The following KCTD4 variants were observed in gnomAD, a reference collection of about 807,000 sequenced individuals.
KCTD4 encodes BTB/POZ domain-containing protein KCTD4.
KCTD4 carries 12 observed loss-of-function variants against 18.3 expected under a neutral mutation model. The ratio of observed to expected loss-of-function variants is 0.66; its 90% CI spans 0.42 to 1.06. The LOEUF is 1.06. KCTD4 is among the 50% of genes least tolerant of loss of function. The pLI is 0.00. For missense variants in KCTD4, 250 were observed against 303.4 expected (o/e 0.82, Z 1.31); for synonymous variants, 124 against 110.5 (o/e 1.12, Z -0.76).
intron 1 of KCTD4, among the ~76,000 whole-genome samples, chr13:45,198,708 G>GT (rs904167579): frequency 2.8e-4 from 42 of 150,146 alleles, no homozygotes; most frequent in African/African-American, 7.8e-4. Context: ...TTTTTTTTTT[G>GT]TTTTTTTGTT....
In KCTD4 at chr13:45,198,035, T is replaced by G. The variant is rs139497632; in HGVS notation, c.-188+2789A>C. Among the ~76,000 whole-genome samples the G allele has an allele frequency of 6.4e-3, 978 of 152,370 alleles. 11 individuals carry two copies. Among genetic ancestry groups the G allele is most frequent in the African/African-American group, 0.023 (939 of 41,584 alleles). On this transcript the variant is annotated intron_variant, in intron 1 of 1. Transcript: ENST00000379108. ...TTTCCTACTCAGTACCTTAACTCTT[T>G]ATTAGAGTTAGATCACCTCTGTCTT...
intron 1 of KCTD4, among the ~76,000 whole-genome samples, chr13:45,197,033 T>G (rs766027832): frequency 6.6e-6 from 1 of 151,920 alleles, no homozygotes; most frequent in Non-Finnish European, 1.5e-5. Flanking sequence ...TGATTGTTTT[T>G]TCTCACTCTA....
At chr13:45,196,979 G>A (rs1256667848) in intron 1 of KCTD4, among the ~76,000 whole-genome samples, 1 of 151,924 alleles carries the variant, frequency 6.6e-6, no homozygotes, top group Non-Finnish European at 1.5e-5. Context: ...CTGCAGGCTT[G>A]CCTGAACAGA....
chr13:45,195,153 T>C (rs1281867673), intron 1 of KCTD4, among the ~76,000 whole-genome samples: 1 of 152,210 alleles, frequency 6.6e-6, no homozygotes, highest in Non-Finnish European at 1.5e-5. Context: ...CAAATAAGAA[T>C]ACTTAACCTG....
chr13:45,197,606 T>C (rs1872967848), intron 1 of KCTD4, among the ~76,000 whole-genome samples: 1 of 152,024 alleles, frequency 6.6e-6, no homozygotes, highest in Non-Finnish European at 1.5e-5. Context: ...TCATGGAAAT[T>C]ATAGGAGTTC....
Position 45,194,709 on chromosome 13 carries a change from C to G in KCTD4, c.-142G>C. The stretch of plus-strand genomic sequence containing the variant: ...GGCAGCATCGCCTGCGCTGTCAGCT[C>G]GGTTTTGCAGTAGGTGGCGTATCAG... On this transcript the variant is annotated 5_prime_UTR_variant, in exon 2 of 2. Transcript: ENST00000379108. The G allele has an allele frequency of 1.4e-6, 1 of 736,034 alleles. No homozygotes were observed. The highest frequency in any genetic ancestry group is 2.3e-6 in the Non-Finnish European group (1 of 440,064). 45.6% of individuals were successfully genotyped at this position (736,034 alleles called of 1,614,324 possible). A position where few individuals can be genotyped will look rare whatever the true frequency, so the allele number is the denominator to read the frequency against.
chr13:45,197,710 A>C (rs1318200760), intron 1 of KCTD4, among the ~76,000 whole-genome samples: 1 of 152,066 alleles, frequency 6.6e-6, no homozygotes, highest in Non-Finnish European at 1.5e-5. Flanking sequence ...TTTACTTGCT[A>C]GGGGGTGGCG....
chr13:45,196,358 A>C (rs891620845), intron 1 of KCTD4, among the ~76,000 whole-genome samples: 1 of 152,160 alleles, frequency 6.6e-6, no homozygotes, highest in Non-Finnish European at 1.5e-5. Flanking sequence ...CTCCTGCAGC[A>C]CTTAATAAGA....
intron 1 of KCTD4, among the ~76,000 whole-genome samples, chr13:45,196,472 G>A (rs1872896300): frequency 6.6e-6 from 1 of 152,196 alleles, no homozygotes; most frequent in South Asian, 2.1e-4. Context: ...AATAGATTTT[G>A]AGGGAGAAGG....
chr13:45,194,022 T>C lies in KCTD4; in HGVS notation c.546A>G (p.Gly182=). 1 of 1,614,094 alleles carries C rather than the reference T, an allele frequency of 6.2e-7. No individual in the cohort carries two copies. The highest frequency in any genetic ancestry group is 8.5e-7 in the Non-Finnish European group (1 of 1,179,976). ...ACGATATTGAAAACTCCTCTGGAAA[T>C]CCATCCAGCCTGCTTTTGGACACCA... ...IVLVSKSRLD[G]FPEEFSISSN... Residue 182 remains glycine, a synonymous_variant, in exon 2 of 2, where the codon GGA becomes GGG. Transcript: ENST00000379108.
Position 45,193,899 on chromosome 13 carries a change from A to G in KCTD4, c.669T>C (p.Leu223=). ...AAGCCATCATGATAGCCTCAAACTT[A>G]AGAGTTTCCAAGGTACAGACAAAGG... is the stretch of plus-strand genomic sequence containing the variant. ...DNTFVCTLET[L]KFEAIMMALK... The change falls in exon 2 of 2, where the codon CTT becomes CTC. Residue 223 remains leucine, a synonymous_variant. Transcript: ENST00000379108. The G allele has an allele frequency of 1.2e-6, 2 of 1,614,140 alleles. No individual in the cohort carries two copies. The highest frequency in any genetic ancestry group is 4.5e-5 in the East Asian group (2 of 44,890).
Position 45,194,360 on chromosome 13 carries a change from G to T in KCTD4, c.208C>A (p.Pro70Thr), listed in dbSNP as rs1004278141. The part of the protein sequence containing the change: ...EGIVNGKILC[P>T]FDADGHYFID... ...AAATAATGACCATCAGCATCAAACG[G>T]GCAGAGGATTTTTCCATTTACTATA... The change falls in exon 2 of 2, where the codon CCG becomes ACG. Residue 70 changes from proline to threonine, a missense_variant. Coordinates refer to ENST00000379108, the MANE Select transcript of KCTD4 (RefSeq NM_198404.3). 6.2e-7 allele frequency: 1 copy of T among 1,613,970 alleles called. No individual in the cohort carries two copies. Among genetic ancestry groups the T allele is most frequent in the African/African-American group, 1.3e-5 (1 of 74,906 alleles).
chr13:45,194,575 A>G lies in KCTD4; in HGVS notation c.-8T>C, dbSNP rs116237860. The stretch of plus-strand genomic sequence containing the variant: ...GTTTATTTTACGCTCCATTTTTTGA[A>G]GATGCTATTTCAGCTTGTTCTTCTT... On this transcript the variant is annotated 5_prime_UTR_variant, in exon 2 of 2. Transcript: ENST00000379108. The G allele has an allele frequency of 1.4e-3, 2,182 of 1,605,408 alleles. 18 individuals carry two copies. In the African/African-American group the frequency reaches 0.026, roughly 19 times the overall value.
At chr13:45,197,492 C>T (rs1289075025) in intron 1 of KCTD4, among the ~76,000 whole-genome samples, 4 of 136,382 alleles carry the variant, frequency 2.9e-5, no homozygotes, top group Non-Finnish European at 4.6e-5. Flanking sequence ...CTGGGCAACA[C>T]AGTAAGACCC....
chr13:45,199,367 T>G (rs563120886), intron 1 of KCTD4, among the ~76,000 whole-genome samples: 9 of 152,256 alleles, frequency 5.9e-5, no homozygotes, highest in Non-Finnish European at 1.2e-4. Context: ...CATTCCACAT[T>G]TCTTTGATTT....
At chr13:45,198,880 A>G (rs1873036136) in intron 1 of KCTD4, among the ~76,000 whole-genome samples, 1 of 152,134 alleles carries the variant, frequency 6.6e-6, no homozygotes, top group South Asian at 2.1e-4. Flanking sequence ...TTTGTGTGTT[A>G]AAAATAAAAA....
At chr13:45,196,822 G>A (rs1302798282) in intron 1 of KCTD4, among the ~76,000 whole-genome samples, 2 of 152,202 alleles carry the variant, frequency 1.3e-5, no homozygotes, top group African/African-American at 2.4e-5. Context: ...CTTCCATGAG[G>A]TGATGAGAAG....
rs763759913 is a variant in KCTD4 at position 45,194,148 on chromosome 13, A to T, written c.420T>A (p.Thr140=). 1.2e-6 allele frequency: 2 copies of T among 1,614,114 alleles called. No homozygotes were observed. Among genetic ancestry groups the T allele is most frequent in the Non-Finnish European group, 1.7e-6 (2 of 1,179,988 alleles). ...WEKEQLTPRE[T]TFLEITDNHD... is the part of the protein sequence containing the mutation. ...GGTTATCTGTTATTTCCAAGAAAGT[A>T]GTCTCTCTGGGTGTTAGCTGTTCTT... Residue 140 remains threonine (T), a synonymous_variant, in exon 2 of 2, where the codon ACT becomes ACA. Coordinates refer to ENST00000379108, the MANE Select transcript of KCTD4 (RefSeq NM_198404.3).
At chr13:45,194,927 G>GT (rs1450621422) in intron 1 of KCTD4, among the ~76,000 whole-genome samples, 173 bp from the exon 2 acceptor site, 4 of 152,198 alleles carry the variant, frequency 2.6e-5, no homozygotes, top group Non-Finnish European at 1.5e-5. Context: ...AAATGTGAAT[G>GT]TTTAACTATT....
Sources: allele counts gnomAD v4.1 joint callset (sites outside exome capture counted in the v4.1 genomes callset), GRCh38; gene constraint gnomAD v4.1.1; transcripts MANE v1.5; gene names NCBI Gene and HGNC (gene_info 2026-07-23, HGNC 2026-07-21).